COL4A6: variants seen among roughly 807,000 people sequenced by gnomAD.
COL4A6 encodes collagen alpha-6(IV) chain.
COL4A6 carries 59 observed loss-of-function variants against 126.7 expected under a neutral mutation model. That is an observed-to-expected ratio of 0.47 (90% CI 0.38 to 0.58). The LOEUF is 0.58. Among genes scored for constraint, COL4A6 ranks in the 20% least tolerant of loss-of-function variants. The pLI, the probability that COL4A6 is intolerant of heterozygous loss-of-function variation, is 0.00. For synonymous variants in COL4A6, 547 were observed against 496.6 expected (o/e 1.10, Z -1.35); for missense variants, 1,285 against 1,337.3 (o/e 0.96, Z 0.61).
At chrX:108,230,281 G>A (rs780464856) in intron 3 of COL4A6, among the ~76,000 whole-genome samples, 1 of 112,016 alleles carries the variant, frequency 8.9e-6, no homozygotes, top group South Asian at 3.8e-4. Context: ...TGGGGAAAAT[G>A]CATAATTATG....
At chrX:108,160,297 A>G (rs2033880531) in intron 43 of COL4A6, among the ~76,000 whole-genome samples, 166 bp downstream of exon 43, 1 of 112,610 alleles carries the variant, frequency 8.9e-6, no homozygotes, top group South Asian at 3.7e-4. Context: ...CACAGCTAGT[A>G]AGTGATAGAG....
intron 3 of COL4A6, among the ~76,000 whole-genome samples, chrX:108,279,060 G>A (rs1343273179): frequency 8.9e-6 from 1 of 111,785 alleles, no homozygotes; most frequent in African/African-American, 3.3e-5. Flanking sequence ...AAAGACCATC[G>A]AGGCTAGGAA....
At chrX:108,397,297 C>G (rs2040987519) in intron 2 of COL4A6, among the ~76,000 whole-genome samples, 1 of 111,686 alleles carries the variant, frequency 9.0e-6, no homozygotes, top group Non-Finnish European at 1.9e-5. Flanking sequence ...TATGAATTAG[C>G]TATGATGGTG....
At chrX:108,192,716 A>G in intron 17 of COL4A6, 136 bp from the exon 18 acceptor site, 1 of 456,668 alleles carries the variant, frequency 2.2e-6, no homozygotes, top group East Asian at 3.8e-5. Flanking sequence ...CTCTAATGCT[A>G]ATGGCCTCAC....
chrX:108,363,156 G>A (rs73529103), intron 2 of COL4A6, among the ~76,000 whole-genome samples: 1 of 111,691 alleles, frequency 9.0e-6, no homozygotes, highest in Non-Finnish European at 1.9e-5. Context: ...GATGTGTGTC[G>A]TACTGGAAGG....
intron 3 of COL4A6, among the ~76,000 whole-genome samples, chrX:108,227,303 T>C (rs1174577535): frequency 8.9e-6 from 1 of 111,948 alleles, no homozygotes; most frequent in African/African-American, 3.3e-5. Context: ...AGTATCTTGT[T>C]TGGAAGTCTA....
chrX:108,377,552 A>T (rs1320916429), intron 2 of COL4A6, among the ~76,000 whole-genome samples: 1 of 105,233 alleles, frequency 9.5e-6, no homozygotes, highest in Non-Finnish European at 1.9e-5. Context: ...CAGAAAAAAA[A>T]TTTCTTTTTT....
At chrX:108,222,561 T>C (rs774642613) in intron 3 of COL4A6, among the ~76,000 whole-genome samples, 8 of 111,889 alleles carry the variant, frequency 7.1e-5, no homozygotes, top group African/African-American at 2.6e-4. Flanking sequence ...GCTGTGATGA[T>C]CCTTTGGAGT....
At chrX:108,242,246 A>G (rs1226998421) in intron 3 of COL4A6, among the ~76,000 whole-genome samples, 1 of 111,809 alleles carries the variant, frequency 8.9e-6, no homozygotes, top group African/African-American at 3.3e-5. Context: ...AAAATACCTA[A>G]CATAAAATTG....
chrX:108,299,113 C>A (rs1241580341), intron 3 of COL4A6, among the ~76,000 whole-genome samples: 1 of 111,008 alleles, frequency 9.0e-6, no homozygotes, highest in Admixed American at 9.5e-5. Flanking sequence ...CTTTGTGGTT[C>A]CTGAGGGGTC....
intron 2 of COL4A6, chrX:108,383,516 T>G: frequency 2.3e-6 from 1 of 436,188 alleles, no homozygotes; most frequent in Non-Finnish European, 4.2e-6. Flanking sequence ...CTGTTTTGGG[T>G]GTTTTTGCAT....
At chrX:108,400,800 G>A (rs796594073) in intron 2 of COL4A6, among the ~76,000 whole-genome samples, 3 of 111,456 alleles carry the variant, frequency 2.7e-5, no homozygotes, top group South Asian at 3.7e-4. Context: ...TTTTACTCAC[G>A]TTGTAAATAT....
chrX:108,206,416 C>G, intron 9 of COL4A6, 102 bp downstream of exon 9: 1 of 889,741 alleles, frequency 1.1e-6, no homozygotes. Context: ...CTTGCTCACC[C>G]AGGAGGACCT....
At chrX:108,280,315 ACCACCGAT>A (rs2037768833) in intron 3 of COL4A6, among the ~76,000 whole-genome samples, 1 of 111,443 alleles carries the variant, frequency 9.0e-6, no homozygotes, top group African/African-American at 3.3e-5. Context: ...AGGGGATATC[ACCACCGAT>A]CCCACAGAAA....
At chrX:108,219,612 A>G (rs1396114563) in intron 5 of COL4A6, 86 bp downstream of exon 5, 7 of 826,658 alleles carry the variant, frequency 8.5e-6, no homozygotes, top group Non-Finnish European at 1.3e-5. Flanking sequence ...CTTGCATGAG[A>G]CAGGATGTTG....
chrX:108,191,497 C>T lies in COL4A6; in HGVS notation c.1217G>A (p.Gly406Glu). The T allele has an allele frequency of 8.3e-7, 1 of 1,210,688 alleles. No homozygotes were observed. Among genetic ancestry groups the T allele is most frequent in the South Asian group, 1.8e-5 (1 of 56,760 alleles). The change falls in exon 19 of 45, where the codon GGG (glycine) becomes GAG (glutamate). Residue 406 changes from glycine (G) to glutamate (E), a missense_variant. Physicochemically the swap from Gly to Glu is moderately conservative, Grantham distance 98 (BLOSUM62 -2). Coordinates refer to ENST00000334504, the MANE Select transcript of COL4A6 (RefSeq NM_033641.4). The stretch of plus-strand genomic sequence containing the variant: ...TGGGTTTCCTTGGTCCCCCTTCAGC[C>T]CTGGAAATCCCTGAGGCCCTAGGGC... ...PGALGPQGFPGLKGDQGNPGR... is the reference protein window; with the variant it reads ...PGALGPQGFPELKGDQGNPGR...
At chrX:108,281,511 G>C (rs1291401094) in intron 3 of COL4A6, among the ~76,000 whole-genome samples, 1 of 108,397 alleles carries the variant, frequency 9.2e-6, no homozygotes, top group Non-Finnish European at 1.9e-5. Context: ...CAAACAAATG[G>C]AAGAACATTC....
chrX:108,302,376 T>A (rs1458056275), intron 3 of COL4A6, among the ~76,000 whole-genome samples: 1 of 111,685 alleles, frequency 9.0e-6, no homozygotes, highest in African/African-American at 3.3e-5. Context: ...AATCCATATT[T>A]CATATAGTCT....
rs1454406132 is a variant in COL4A6 at position 108,175,094 on chromosome X, T to C, written c.2952A>G (p.Pro984=). 2.5e-6 allele frequency: 3 copies of C among 1,190,868 alleles called. No homozygotes were observed. The highest frequency in any genetic ancestry group is 3.4e-6 in the Non-Finnish European group (3 of 886,908). Residue 984 remains proline (P), a synonymous_variant, in exon 30 of 45, where the codon CCA becomes CCG. Coordinates refer to ENST00000334504, the MANE Select transcript of COL4A6 (RefSeq NM_033641.4). The stretch of plus-strand genomic sequence containing the variant: ...ATCCATCCCCTGCCCCAGCACCTCT[T>C]GGCCCAGGAAATCCATTGGATCCGG... The part of the protein sequence containing the change: ...GSAGSNGFPG[P]RGDKGEAGRP...
Sources: gnomAD v4.1 joint callset for allele counts (sites outside exome capture counted in the v4.1 genomes callset) on GRCh38, gnomAD v4.1.1 for gene constraint, MANE v1.5 for transcripts, NCBI Gene and HGNC (gene_info 2026-07-23, HGNC 2026-07-21) for gene names.